TENM2: variants seen among roughly 807,000 people sequenced by gnomAD.
The protein encoded by TENM2 is teneurin transmembrane protein 2, also known as teneurin-2.
Under a neutral mutation model 245.2 loss-of-function variants are expected in TENM2, and 52 were observed. The ratio of observed to expected loss-of-function variants is 0.21; its 90% CI spans 0.17 to 0.27. TENM2 has a LOEUF of 0.27. Ranked by LOEUF, TENM2 falls within the 10% of genes least tolerant of loss-of-function variation. The probability of loss-of-function intolerance (pLI) is 1.00; values close to 1 mark genes in which losing one functional copy is unlikely to be tolerated. For missense variants in TENM2, 3,046 were observed against 3,666.8 expected (o/e 0.83, Z 4.37); for synonymous variants, 1,363 against 1,438.9 (o/e 0.95, Z 1.19).
intron 3 of TENM2, among the ~76,000 whole-genome samples, chr5:167,902,374 G>C (rs897306740): frequency 9.2e-5 from 14 of 152,182 alleles, no homozygotes; most frequent in African/African-American, 3.1e-4. Context: ...CTGGAGAAAA[G>C]AACTCTGCTT....
chr5:167,281,395 G>C (rs541589781), upstream of TENM2, among the ~76,000 whole-genome samples: 1 of 151,628 alleles, frequency 6.6e-6, no homozygotes, highest in Non-Finnish European at 1.5e-5. Context: ...GATTATAGAC[G>C]TGAGCCACCG....
chr5:167,221,100 T>A, the TENM2 span, among the ~76,000 whole-genome samples: 1 of 152,128 alleles, frequency 6.6e-6, no homozygotes, highest in Non-Finnish European at 1.5e-5. Context: ...AGTGCTGGGA[T>A]TACAGGCATG....
the TENM2 span, among the ~76,000 whole-genome samples, chr5:167,141,015 T>A: frequency 0.014 from 2,148 of 152,098 alleles, 53 homozygotes; most frequent in African/African-American, 0.047. Flanking sequence ...TTACGTGGGG[T>A]TATATGTTCT....
chr5:168,093,189 C>T (rs1179407266), intron 8 of TENM2, among the ~76,000 whole-genome samples: 2 of 152,192 alleles, frequency 1.3e-5, no homozygotes, highest in Non-Finnish European at 2.9e-5. Flanking sequence ...TTCCCAACAA[C>T]TTCTGTCCTC....
intron 2 of TENM2, among the ~76,000 whole-genome samples, chr5:167,667,413 T>C (rs1755646437): frequency 6.6e-6 from 1 of 152,164 alleles, no homozygotes; most frequent in South Asian, 2.1e-4. Context: ...GGACTAAAAT[T>C]ATTCTAAGAA....
chr5:167,785,875 C>A (rs1286433449), intron 2 of TENM2, among the ~76,000 whole-genome samples: 1 of 152,144 alleles, frequency 6.6e-6, no homozygotes, highest in African/African-American at 2.4e-5. Flanking sequence ...TTCTGTCCAT[C>A]CCTCAGGATA....
At chr5:167,872,548 G>GAAAGAAAGAGAAAGAAAGAAAGAA (rs1313191288) in intron 2 of TENM2, among the ~76,000 whole-genome samples, 1 of 65,432 alleles carries the variant, frequency 1.5e-5, no homozygotes, top group Non-Finnish European at 4.0e-5. Flanking sequence ...AAGAAAGAAA[G>GAAAGAAAGAGAAAGAAAGAAAGAA]AGAAAGAAAG....
At chr5:168,009,689 C>T (rs972599642) in intron 5 of TENM2, among the ~76,000 whole-genome samples, 2 of 152,214 alleles carry the variant, frequency 1.3e-5, no homozygotes, top group African/African-American at 4.8e-5. Flanking sequence ...GGCCCCAAAG[C>T]CACTTTAGTT....
chr5:168,256,841 AG>A (rs1231191250), intron 27 of TENM2, among the ~76,000 whole-genome samples: 1 of 152,108 alleles, frequency 6.6e-6, no homozygotes. Context: ...TTCTCCTTAG[AG>A]GGTTCTTATA....
the TENM2 span, among the ~76,000 whole-genome samples, chr5:167,232,622 C>T: frequency 6.6e-6 from 1 of 152,306 alleles, no homozygotes; most frequent in African/African-American, 2.4e-5. Context: ...CTGCCTGCCT[C>T]AGCCTCCCAC....
chr5:168,096,994 C>T (rs142589244), intron 8 of TENM2, among the ~76,000 whole-genome samples: 2,725 of 152,226 alleles, frequency 0.018, 33 homozygotes, highest in Middle Eastern at 0.051. Context: ...CAAGATAAGA[C>T]GGTGATGCAG....
chr5:167,177,289 A>G, the TENM2 span, among the ~76,000 whole-genome samples: 1 of 152,214 alleles, frequency 6.6e-6, no homozygotes, highest in African/African-American at 2.4e-5. Context: ...AAAAAAAATT[A>G]GACTACAAGA....
At chr5:167,386,791 T>G (rs774075941) in intron 2 of TENM2, among the ~76,000 whole-genome samples, 1 of 152,164 alleles carries the variant, frequency 6.6e-6, no homozygotes, top group Non-Finnish European at 1.5e-5. Context: ...CTTTATGTTT[T>G]TGTTTGCATT....
At chr5:168,121,727 T>C (rs1795481803) in intron 10 of TENM2, among the ~76,000 whole-genome samples, 1 of 152,144 alleles carries the variant, frequency 6.6e-6, no homozygotes, top group African/African-American at 2.4e-5. Flanking sequence ...GATTTTTTTT[T>C]TTTGAAAGCT....
intron 1 of TENM2, among the ~76,000 whole-genome samples, chr5:167,360,158 C>G (rs1373689252): frequency 6.6e-6 from 1 of 152,100 alleles, no homozygotes; most frequent in East Asian, 1.9e-4. Flanking sequence ...ACATGTACTG[C>G]TCAACCTAAA....
the TENM2 span, among the ~76,000 whole-genome samples, chr5:167,265,327 G>A: frequency 1.1e-5 from 1 of 88,688 alleles, no homozygotes; most frequent in East Asian, 3.7e-4. Context: ...GTGAGACTCT[G>A]TCTCAAAAAA....
the TENM2 span, among the ~76,000 whole-genome samples, chr5:167,163,265 CT>C: frequency 1.0e-3 from 157 of 152,176 alleles, no homozygotes; most frequent in Non-Finnish European, 1.9e-3. Context: ...CCACGCCTGG[CT>C]TTTGTTGTGG....
At chr5:167,740,950 C>A (rs576806301) in intron 2 of TENM2, among the ~76,000 whole-genome samples, 4 of 152,126 alleles carry the variant, frequency 2.6e-5, no homozygotes, top group East Asian at 1.9e-4. Context: ...AACGTGAGAA[C>A]CTTGGCATGT....
At chr5:168,008,909 C>T (rs1358813211) in intron 5 of TENM2, among the ~76,000 whole-genome samples, 1 of 152,144 alleles carries the variant, frequency 6.6e-6, no homozygotes, top group Non-Finnish European at 1.5e-5. Flanking sequence ...AATCTCTGCA[C>T]GGTTTCTTTA....
Sources: allele counts gnomAD v4.1 joint callset (sites outside exome capture counted in the v4.1 genomes callset), GRCh38; gene constraint gnomAD v4.1.1; transcripts MANE v1.5; gene names NCBI Gene and HGNC (gene_info 2026-07-23, HGNC 2026-07-21).